The following HACE1 variants were observed in gnomAD, a reference collection of about 807,000 sequenced individuals.
The protein encoded by HACE1 is E3 ubiquitin-protein ligase HACE1.
HACE1 carries 73 observed loss-of-function variants against 118.4 expected under a neutral mutation model. The ratio of observed to expected loss-of-function variants is 0.62; its 90% CI spans 0.51 to 0.75. HACE1 has a LOEUF of 0.75. Ranked by LOEUF, HACE1 falls within the 30% of genes least tolerant of loss-of-function variation. The pLI is 0.00. For missense variants in HACE1, 749 were observed against 1,102.2 expected, an observed-to-expected ratio of 0.68 and a Z score of 4.54; for synonymous variants, 368 against 374.8, an observed-to-expected ratio of 0.98 and a Z score of 0.21.
intron 10 of HACE1, among the ~76,000 whole-genome samples, chr6:104,792,762 A>G (rs1783162845): frequency 6.6e-6 from 1 of 152,096 alleles, no homozygotes; most frequent in African/African-American, 2.4e-5. Flanking sequence ...GGCAGTCACG[A>G]CCCAGGCATA....
At chr6:104,775,838 G>C (rs1307885328) in intron 17 of HACE1, among the ~76,000 whole-genome samples, 1 of 152,184 alleles carries the variant, frequency 6.6e-6, no homozygotes, top group Non-Finnish European at 1.5e-5. Context: ...ATAGGGATTT[G>C]CTGCTAGTTT....
chr6:104,770,659 C>T (rs1394889110), intron 19 of HACE1, among the ~76,000 whole-genome samples: 1 of 152,176 alleles, frequency 6.6e-6, no homozygotes, highest in Non-Finnish European at 1.5e-5. Flanking sequence ...GCAGAGGTTG[C>T]AGTGAGCCGA....
chr6:104,749,359 TCAA>T (rs1777791036), intron 20 of HACE1, among the ~76,000 whole-genome samples: 2 of 152,050 alleles, frequency 1.3e-5, no homozygotes, highest in Non-Finnish European at 2.9e-5. Flanking sequence ...CAAAAAAACC[TCAA>T]AACTTACATT....
At chr6:104,747,510 A>C (rs1777554557) in intron 20 of HACE1, among the ~76,000 whole-genome samples, 1 of 152,002 alleles carries the variant, frequency 6.6e-6, no homozygotes, top group African/African-American at 2.4e-5. Context: ...TTCTCAGTGC[A>C]GCATAGCCCT....
chr6:104,859,221 C>A (rs1452132895), intron 1 of HACE1, among the ~76,000 whole-genome samples: 1 of 152,078 alleles, frequency 6.6e-6, no homozygotes, highest in Non-Finnish European at 1.5e-5. Context: ...TTAAATGACC[C>A]GCAATTATGA....
chr6:104,752,994 A>C (rs1177420160), intron 19 of HACE1, among the ~76,000 whole-genome samples: 1 of 152,216 alleles, frequency 6.6e-6, no homozygotes, highest in Non-Finnish European at 1.5e-5. Flanking sequence ...TTTCAGTAAT[A>C]TAAGAGTTTT....
chr6:104,815,801 A>C lies in HACE1; in HGVS notation c.535-4408T>G, dbSNP rs898817457. On this transcript the variant is annotated intron_variant, in intron 6 of 23. Transcript: ENST00000262903. ...AAAAGGGAAACAGAGGGCCAGGCAC[A>C]GTGGCTCACGCCTGTAATCCCAGCA... Among the ~76,000 whole-genome samples the C allele has an allele frequency of 1.7e-4, 23 of 135,010 alleles. 2 individuals are homozygous for C. The highest frequency in any genetic ancestry group is 2.9e-4 in the Admixed American group (4 of 13,730). The allele number at this position is 135,010 out of a possible 152,430, so 88.6% of individuals were successfully genotyped here. A position where few individuals can be genotyped will look rare whatever the true frequency, so the allele number is the denominator to read the frequency against.
rs781648853 is a variant in HACE1, at chr6:104,852,275, T to C, written c.131+42A>G. On this transcript the variant is annotated intron_variant, in intron 2 of 23. Transcript: ENST00000262903. ...CATGCAGTACACATTTAGAACAATG[T>C]ATGCTTCTTAAAAAGCAAAAATTTT... 17 of 1,278,822 alleles carry C rather than the reference T, an allele frequency of 1.3e-5. No homozygotes were observed. In the East Asian group the frequency reaches 3.9e-4, roughly 30 times the overall value. 79.2% of individuals were successfully genotyped at this position (1,278,822 alleles called of 1,614,324 possible).
chr6:104,845,384 T>C (rs543225557), intron 4 of HACE1, among the ~76,000 whole-genome samples: 4 of 152,152 alleles, frequency 2.6e-5, no homozygotes, highest in Non-Finnish European at 5.9e-5. Context: ...ACAAGTTACT[T>C]TTCTTGCTTT....
chr6:104,767,618 C>T (rs182376608), intron 19 of HACE1, among the ~76,000 whole-genome samples: 31 of 152,258 alleles, frequency 2.0e-4, no homozygotes, highest in Non-Finnish European at 4.1e-4. Context: ...TTTCAAAGTA[C>T]TATTTGTGGA....
chr6:104,855,224 C>T (rs1776602052), intron 1 of HACE1, among the ~76,000 whole-genome samples: 1 of 152,130 alleles, frequency 6.6e-6, no homozygotes, highest in Admixed American at 6.5e-5. Context: ...TCAGGCAGAT[C>T]ACAAGGTCAG....
intron 17 of HACE1, among the ~76,000 whole-genome samples, chr6:104,775,081 C>A (rs1279729048): frequency 6.6e-6 from 1 of 152,192 alleles, no homozygotes; most frequent in Non-Finnish European, 1.5e-5. Context: ...GTAGCTTACA[C>A]CTGTAATCCC....
chr6:104,785,377 A>C (rs1782261160), intron 11 of HACE1, 58 bp from the exon 12 acceptor site: 2 of 962,826 alleles, frequency 2.1e-6, no homozygotes, highest in South Asian at 1.4e-5. Flanking sequence ...ATTAAAAAAA[A>C]AAAAACAAAA....
At chr6:104,755,607 G>C (rs1490157547) in intron 19 of HACE1, among the ~76,000 whole-genome samples, 3 of 152,156 alleles carry the variant, frequency 2.0e-5, no homozygotes. Flanking sequence ...AATCAAATTA[G>C]AACTCAAGAT....
chr6:104,835,544 A>G (rs1774446209), intron 5 of HACE1, among the ~76,000 whole-genome samples: 1 of 51,480 alleles, frequency 1.9e-5, no homozygotes, highest in African/African-American at 3.9e-5. Flanking sequence ...AGTACAAAGA[A>G]AAGAAATGAG....
intron 10 of HACE1, among the ~76,000 whole-genome samples, chr6:104,794,156 C>T (rs1783367378): frequency 6.6e-6 from 1 of 152,122 alleles, no homozygotes; most frequent in Non-Finnish European, 1.5e-5. Context: ...ATGGAGATAA[C>T]ATCTAAATTA....
At chr6:104,735,060 TTAGGAG>T (rs1362222441) in intron 22 of HACE1, among the ~76,000 whole-genome samples, 1 of 151,944 alleles carries the variant, frequency 6.6e-6, no homozygotes, top group East Asian at 1.9e-4. Context: ...ATATAAAATC[TTAGGAG>T]TAGGGAAGGA....
intron 19 of HACE1, among the ~76,000 whole-genome samples, chr6:104,767,921 G>A (rs1213873890): frequency 6.6e-6 from 1 of 151,920 alleles, no homozygotes; most frequent in Non-Finnish European, 1.5e-5. Flanking sequence ...CTCCAAGCCT[G>A]GATGAACTTT....
chr6:104,776,329 G>T (rs1314896101), intron 17 of HACE1, among the ~76,000 whole-genome samples: 1 of 152,054 alleles, frequency 6.6e-6, no homozygotes, highest in Non-Finnish European at 1.5e-5. Context: ...TCCAAATAGG[G>T]ACTTTTATTT....
Sources: allele counts gnomAD v4.1 joint callset (sites outside exome capture counted in the v4.1 genomes callset), GRCh38; gene constraint gnomAD v4.1.1; transcripts MANE v1.5; gene names NCBI Gene and HGNC (gene_info 2026-07-23, HGNC 2026-07-21).